HPDL: variants seen among roughly 807,000 people sequenced by gnomAD.
The protein encoded by HPDL is 4-hydroxyphenylpyruvate dioxygenase like.
In HPDL, 7 loss-of-function variants were observed where a neutral mutation model predicts 9.8. The ratio of observed to expected loss-of-function variants is 0.71; its 90% confidence interval spans 0.41 to 1.34. The LOEUF (loss-of-function observed/expected upper bound fraction) is 1.34, where lower values mean the gene tolerates loss of function less well. Ranked by LOEUF, HPDL falls within the 40% of genes most tolerant of loss-of-function variation. The pLI, the probability that HPDL is intolerant of heterozygous loss-of-function variation, is 0.01. For synonymous variants in HPDL, 250 were observed against 228.2 expected (o/e 1.10, Z -0.86); for missense variants, 530 against 495.1 (o/e 1.07, Z -0.67).
In HPDL at chr1:45,328,473, A is replaced by G. The variant is rs1644272054; in HGVS notation, c.*209A>G. 1.8e-6 allele frequency: 1 copy of G among 562,278 alleles called. No homozygotes were observed. Among genetic ancestry groups the G allele is most frequent in the South Asian group, 2.7e-5 (1 of 37,048 alleles). 34.8% of individuals were successfully genotyped at this position (562,278 alleles called of 1,614,324 possible). A position where few individuals can be genotyped will look rare whatever the true frequency, so the allele number is the denominator to read the frequency against. ...TTTTTAAAACTAAAACATTTCTTAT[A>G]TACAGTCTATAATAAATATGTAAGA... On this transcript the variant is annotated 3_prime_UTR_variant, in exon 1 of 1. Transcript: ENST00000334815.
chr1:45,327,897 G>C lies in HPDL; in HGVS notation c.749G>C (p.Arg250Pro). ...RQDQVEQFLA[R>P]HKGPGLQHVG... ...GACCAGGTGGAGCAGTTCCTGGCCCGGCACAAGGGGCCAGGCCTGCAGCAC... is the reference window on the plus strand; with the variant it reads ...GACCAGGTGGAGCAGTTCCTGGCCCCGCACAAGGGGCCAGGCCTGCAGCAC... The change falls in exon 1 of 1, where the codon CGG (arginine) becomes CCG (proline). Residue 250 changes from arginine (R) to proline (P), a missense_variant. Coordinates refer to ENST00000334815, the MANE Select transcript of HPDL (RefSeq NM_032756.4). The surrounding 1 kb of genome is among the most constrained non-coding windows in gnomAD (Gnocchi z 6.3). 6.5e-7 allele frequency: 1 copy of C among 1,549,768 alleles called. No individual in the cohort carries two copies. The highest frequency in any genetic ancestry group is 8.7e-7 in the Non-Finnish European group (1 of 1,147,748).
In HPDL at chr1:45,327,326, G is replaced by C. The variant is rs866192491; in HGVS notation, c.178G>C (p.Ala60Pro). 1.3e-6 allele frequency: 2 copies of C among 1,577,898 alleles called. No individual in the cohort carries two copies. The highest frequency in any genetic ancestry group is 1.7e-6 in the Non-Finnish European group (2 of 1,163,426). Residue 60 changes from alanine to proline, a missense_variant, in exon 1 of 1, where the codon GCA becomes CCA. Ala to Pro is a conservative substitution (Grantham distance 27, BLOSUM62 -1). Transcript: ENST00000334815. The surrounding 1 kb of genome is among the most constrained non-coding windows in gnomAD (Gnocchi z 6.3). ...GDAVFLVNEG[A>P]GSGEPLYGLD... ...CGCGGTCTTTTTGGTGAACGAGGGC[G>C]CAGGGTCTGGAGAGCCGCTGTACGG...
Position 45,327,611 on chromosome 1 carries a change from C to A in HPDL, c.463C>A (p.Pro155Thr). The A allele has an allele frequency of 2.5e-6, 4 of 1,612,294 alleles. No individual in the cohort carries two copies. Among genetic ancestry groups the A allele is most frequent in the Non-Finnish European group, 3.4e-6 (4 of 1,179,818 alleles). The stretch of plus-strand genomic sequence containing the variant: ...CAGGCCCGTGTCCTCTGCGCCTGGC[C>A]CCGGGTGGGTCAGCCGCGTGGACCA... The part of the protein sequence containing the change: ...GFRPVSSAPG[P>T]GWVSRVDHLT... Residue 155 changes from proline (P) to threonine (T), a missense_variant, in exon 1 of 1, where the codon CCC (proline) becomes ACC (threonine). Transcript: ENST00000334815. This position sits in a 1 kb window ranked among gnomAD's most constrained non-coding sequence, Gnocchi z 6.3.
rs750562863 is a variant in HPDL, at chr1:45,327,976, T to A, written c.828T>A (p.Ala276=). ...AGGCCACTGAGGGGGTGGCAACTGCTGGAGGCCAGTTCCTGGCTCCCCCTG... is the reference window on the plus strand; with the variant it reads ...AGGCCACTGAGGGGGTGGCAACTGCAGGAGGCCAGTTCCTGGCTCCCCCTG... The part of the protein sequence containing the change: ...IVEATEGVAT[A]GGQFLAPPGA... The change falls in exon 1 of 1, where the codon GCT becomes GCA. Residue 276 remains alanine, a synonymous_variant. Transcript: ENST00000334815. This position sits in a 1 kb window ranked among gnomAD's most constrained non-coding sequence, Gnocchi z 6.3. The A allele has an allele frequency of 6.2e-7, 1 of 1,608,404 alleles. No homozygotes were observed. Among genetic ancestry groups the A allele is most frequent in the Non-Finnish European group, 8.5e-7 (1 of 1,176,428 alleles).
At position 45,327,586 on chromosome 1, in the gene HPDL, C is replaced by A. The variant is rs1644251228; in HGVS notation, c.438C>A (p.Phe146Leu). The A allele has an allele frequency of 6.2e-7, 1 of 1,611,576 alleles. No homozygotes were observed. The highest frequency in any genetic ancestry group is 8.5e-7 in the Non-Finnish European group (1 of 1,179,786). The change falls in exon 1 of 1, where the codon TTC (phenylalanine) becomes TTA (leucine). Residue 146 changes from phenylalanine to leucine, a missense_variant. Phe to Leu is a conservative substitution (Grantham distance 22). Coordinates refer to ENST00000334815, the MANE Select transcript of HPDL (RefSeq NM_032756.4). This position sits in a 1 kb window ranked among gnomAD's most constrained non-coding sequence, Gnocchi z 6.3. The part of the protein sequence containing the change: ...AGYRGPFLPG[F>L]RPVSSAPGPG... ...ACCGCGGACCCTTCCTACCCGGCTTCAGGCCCGTGTCCTCTGCGCCTGGCC... is the reference window on the plus strand; with the variant it reads ...ACCGCGGACCCTTCCTACCCGGCTTAAGGCCCGTGTCCTCTGCGCCTGGCC...
In HPDL at chr1:45,327,582, G is replaced by A. The variant is rs1475406489; in HGVS notation, c.434G>A (p.Gly145Asp). The A allele has an allele frequency of 6.2e-7, 1 of 1,611,352 alleles. No individual in the cohort carries two copies. Among genetic ancestry groups the A allele is most frequent in the Non-Finnish European group, 8.5e-7 (1 of 1,179,764 alleles). ...RAGYRGPFLP[G>D]FRPVSSAPGP... ...GGCTACCGCGGACCCTTCCTACCCG[G>A]CTTCAGGCCCGTGTCCTCTGCGCCT... The change falls in exon 1 of 1, where the codon GGC (glycine) becomes GAC (aspartate). Residue 145 changes from glycine to aspartate, a missense_variant. By Grantham distance (94) the Gly-to-Asp change is moderately conservative (BLOSUM62 -1). Transcript: ENST00000334815. The surrounding 1 kb of genome is among the most constrained non-coding windows in gnomAD (Gnocchi z 6.3).
chr1:45,327,590 C>A lies in HPDL; in HGVS notation c.442C>A (p.Pro148Thr). 1 of 1,611,656 alleles carries A rather than the reference C, an allele frequency of 6.2e-7. No homozygotes were observed. The highest frequency in any genetic ancestry group is 1.1e-5 in the South Asian group (1 of 91,044). Residue 148 changes from proline (P) to threonine (T), a missense_variant, in exon 1 of 1, where the codon CCC becomes ACC. Physicochemically the swap from Pro to Thr is conservative, Grantham distance 38. Transcript: ENST00000334815. This position sits in a 1 kb window ranked among gnomAD's most constrained non-coding sequence, Gnocchi z 6.3. ...CGGACCCTTCCTACCCGGCTTCAGG[C>A]CCGTGTCCTCTGCGCCTGGCCCCGG... is the stretch of plus-strand genomic sequence containing the variant. ...YRGPFLPGFR[P>T]VSSAPGPGWV...
In HPDL at chr1:45,327,091, C is replaced by T; in HGVS notation, c.-58C>T. On this transcript the variant is annotated 5_prime_UTR_variant, in exon 1 of 1. Coordinates refer to ENST00000334815, the MANE Select transcript of HPDL (RefSeq NM_032756.4). The surrounding 1 kb of genome is among the most constrained non-coding windows in gnomAD (Gnocchi z 6.3). ...AGCCCAGGACTGAGAGCCCCGAAGT[C>T]CCCAACCACAAGTAAGCGGCCCCAG... 1 of 1,498,742 alleles carries T rather than the reference C, an allele frequency of 6.7e-7. No individual in the cohort carries two copies. The highest frequency in any genetic ancestry group is 1.3e-5 in the South Asian group (1 of 75,770). 92.8% of individuals were successfully genotyped at this position (1,498,742 alleles called of 1,614,324 possible). A position where few individuals can be genotyped will look rare whatever the true frequency, so the allele number is the denominator to read the frequency against.
In HPDL at chr1:45,327,931, G is replaced by T. The variant is rs1644260240; in HGVS notation, c.783G>T (p.Leu261=). 6.3e-7 allele frequency: 1 copy of T among 1,583,050 alleles called. No individual in the cohort carries two copies. Among genetic ancestry groups the T allele is most frequent in the Admixed American group, 1.7e-5 (1 of 57,890 alleles). The change falls in exon 1 of 1, where the codon CTG becomes CTT. Residue 261 remains leucine (L), a synonymous_variant. Coordinates refer to ENST00000334815, the MANE Select transcript of HPDL (RefSeq NM_032756.4). The surrounding 1 kb of genome is among the most constrained non-coding windows in gnomAD (Gnocchi z 6.3). ...GGCCAGGCCTGCAGCACGTGGGGCT[G>T]TATACGCCTAACATTGTGGAGGCCA... ...HKGPGLQHVG[L]YTPNIVEATE...
Position 45,327,314 on chromosome 1 carries a change from G to A in HPDL, c.166G>A (p.Val56Met). The change falls in exon 1 of 1, where the codon GTG (valine) becomes ATG (methionine). Residue 56 changes from valine to methionine, a missense_variant. By Grantham distance (21) the Val-to-Met change is conservative. Transcript: ENST00000334815. This position sits in a 1 kb window ranked among gnomAD's most constrained non-coding sequence, Gnocchi z 6.3. ...ALRSGDAVFLVNEGAGSGEPL... is the reference protein window; with the variant it reads ...ALRSGDAVFLMNEGAGSGEPL... ...GCGCAGCGGCGACGCGGTCTTTTTG[G>A]TGAACGAGGGCGCAGGGTCTGGAGA... The A allele has an allele frequency of 6.3e-7, 1 of 1,579,504 alleles. No homozygotes were observed.
At position 45,328,012 on chromosome 1, in the gene HPDL, C is replaced by T; in HGVS notation, c.864C>T (p.Tyr288=). The T allele has an allele frequency of 6.2e-7, 1 of 1,613,672 alleles. No individual in the cohort carries two copies. The highest frequency in any genetic ancestry group is 1.1e-5 in the South Asian group (1 of 91,048). ...TCCTGGCTCCCCCTGGGGCATACTA[C>T]CAGCAGCCAGGAAAGGAGAGGCAGA... ...GQFLAPPGAY[Y]QQPGKERQIR... The change falls in exon 1 of 1, where the codon TAC becomes TAT. Residue 288 remains tyrosine (Y), a synonymous_variant. Transcript: ENST00000334815.
chr1:45,327,962 G>C lies in HPDL; in HGVS notation c.814G>C (p.Gly272Arg), dbSNP rs114233412. The change falls in exon 1 of 1, where the codon GGG (glycine) becomes CGG (arginine). Residue 272 changes from glycine to arginine, a missense_variant. Coordinates refer to ENST00000334815, the MANE Select transcript of HPDL (RefSeq NM_032756.4). This position sits in a 1 kb window ranked among gnomAD's most constrained non-coding sequence, Gnocchi z 6.3. ...YTPNIVEATE[G>R]VATAGGQFLA... The stretch of plus-strand genomic sequence containing the variant: ...GCCTAACATTGTGGAGGCCACTGAG[G>C]GGGTGGCAACTGCTGGAGGCCAGTT... 1.4e-4 allele frequency: 222 copies of C among 1,603,212 alleles called. 1 individual carries two copies. The highest frequency in any genetic ancestry group is 1.0e-3 in the Middle Eastern group (6 of 6,020).
Position 45,328,341 on chromosome 1 carries a change from G to A in HPDL, c.*77G>A, listed in dbSNP as rs1426761288. The stretch of plus-strand genomic sequence containing the variant: ...GCACAGAACTGAGGAACATCTGCAG[G>A]AGGCCCAACTAGTGAAAGGCTTTGC... On this transcript the variant is annotated 3_prime_UTR_variant, in exon 1 of 1. Transcript: ENST00000334815. The A allele has an allele frequency of 6.8e-7, 1 of 1,477,262 alleles. No homozygotes were observed. 91.5% of individuals were successfully genotyped at this position (1,477,262 alleles called of 1,614,324 possible). A position where few individuals can be genotyped will look rare whatever the true frequency, so the allele number is the denominator to read the frequency against.
Position 45,327,689 on chromosome 1 carries a change from C to A in HPDL, c.541C>A (p.His181Asn), listed in dbSNP as rs770921420. The A allele has an allele frequency of 1.2e-6, 2 of 1,610,300 alleles. No individual in the cohort carries two copies. Among genetic ancestry groups the A allele is most frequent in the South Asian group, 2.2e-5 (2 of 90,784 alleles). Reference protein sequence around the residue: ...GSSPTLLRWFHDCLGFCHLPL... With the variant: ...GSSPTLLRWFNDCLGFCHLPL... ...CTCCCCCACACTTTTGCGCTGGTTC[C>A]ACGACTGCCTGGGCTTTTGCCACTT... Residue 181 changes from histidine to asparagine, a missense_variant, in exon 1 of 1, where the codon CAC becomes AAC. Coordinates refer to ENST00000334815, the MANE Select transcript of HPDL (RefSeq NM_032756.4). This position sits in a 1 kb window ranked among gnomAD's most constrained non-coding sequence, Gnocchi z 6.3.
In HPDL at chr1:45,328,244, G is replaced by C. The variant is rs1644267435; in HGVS notation, c.1096G>C (p.Ala366Pro). Residue 366 changes from alanine (A) to proline (P), a missense_variant, in exon 1 of 1, where the codon GCC (alanine) becomes CCC (proline). By Grantham distance (27) the Ala-to-Pro change is conservative. Transcript: ENST00000334815. ...ALWQSVQEQS[A>P]RSQEA ...GTGGCAGTCCGTACAGGAGCAATCT[G>C]CCAGGAGCCAGGAAGCCTAAGGATG... 2 of 1,613,936 alleles carry C rather than the reference G, an allele frequency of 1.2e-6. No homozygotes were observed. Among genetic ancestry groups the C allele is most frequent in the Non-Finnish European group, 1.7e-6 (2 of 1,179,826 alleles).
At position 45,327,181 on chromosome 1, in the gene HPDL, C is replaced by T. The variant is rs146973536; in HGVS notation, c.33C>T (p.Ile11=). ...CGCCCGCCCTTCGTTTGTGCCACAT[C>T]GCCTTCCACGTGCCCGCCGGGCAGC... MAAPALRLCH[I]AFHVPAGQPL... Residue 11 remains isoleucine, a synonymous_variant, in exon 1 of 1, where the codon ATC becomes ATT. Transcript: ENST00000334815. This position sits in a 1 kb window ranked among gnomAD's most constrained non-coding sequence, Gnocchi z 6.3. 9 of 1,579,868 alleles carry T rather than the reference C, an allele frequency of 5.7e-6. No individual in the cohort carries two copies. The African/African-American group carries it at 8.1e-5, about 14-fold the overall frequency.
Position 45,326,977 on chromosome 1 carries a change from C to A in HPDL, c.-172C>A. On this transcript the variant is annotated 5_prime_UTR_variant, in exon 1 of 1. Transcript: ENST00000334815. ...GTGGCGCTGCAGGGAGAACCGCGAGCTCTCAGGGGTCGGCGGGTGACTTCT... is the reference window on the plus strand; with the variant it reads ...GTGGCGCTGCAGGGAGAACCGCGAGATCTCAGGGGTCGGCGGGTGACTTCT... 1.6e-6 allele frequency: 1 copy of A among 612,598 alleles called. No homozygotes were observed. Among genetic ancestry groups the A allele is most frequent in the Non-Finnish European group, 2.5e-6 (1 of 393,202 alleles). The allele number at this position is 612,598 out of a possible 1,614,324, so 37.9% of individuals were successfully genotyped here.
At position 45,328,370 on chromosome 1, in the gene HPDL, CG is replaced by C. The variant is rs536293887; in HGVS notation, c.*112del. 5.7e-6 allele frequency: 7 copies of C among 1,236,728 alleles called. No homozygotes were observed. Among genetic ancestry groups the C allele is most frequent in the Non-Finnish European group, 7.8e-6 (7 of 897,768 alleles). 76.6% of individuals were successfully genotyped at this position (1,236,728 alleles called of 1,614,324 possible). On this transcript the variant is annotated 3_prime_UTR_variant, in exon 1 of 1. Coordinates refer to ENST00000334815, the MANE Select transcript of HPDL (RefSeq NM_032756.4). ...CCCAACTAGTGAAAGGCTTTGCCTCCGGGGGGCAGGTGTGACTTCCATTTCA... is the reference window on the plus strand; with the variant it reads ...CCCAACTAGTGAAAGGCTTTGCCTCCGGGGGCAGGTGTGACTTCCATTTCA...
rs1418327164 is a variant in HPDL at position 45,326,924 on chromosome 1, G to T, written c.-225G>T. 6.8e-6 allele frequency: 3 copies of T among 443,180 alleles called. No individual in the cohort carries two copies. Among genetic ancestry groups the T allele is most frequent in the Non-Finnish European group, 1.2e-5 (3 of 255,202 alleles). The allele number at this position is 443,180 out of a possible 1,614,324, so 27.5% of individuals were successfully genotyped here. On this transcript the variant is annotated 5_prime_UTR_variant, in exon 1 of 1. Transcript: ENST00000334815. ...CCAGCAGCTCGGCTCACTGAGACCC[G>T]GTGGTCCAGACGCTGCTCCTGGCTG...
Sources: allele counts gnomAD v4.1 joint callset, GRCh38; gene constraint gnomAD v4.1.1; non-coding constraint Gnocchi (gnomAD v3.1); transcripts MANE v1.5; gene names NCBI Gene and HGNC (gene_info 2026-07-23, HGNC 2026-07-21).